The following ITPRID1 variants were observed in gnomAD, a reference collection of about 807,000 sequenced individuals.
ITPRID1 encodes protein ITPRID1.
ITPRID1 carries 96 observed loss-of-function variants against 95.4 expected under a neutral mutation model. The ratio of observed to expected loss-of-function variants is 1.01; its 90% CI spans 0.85 to 1.19. The LOEUF (loss-of-function observed/expected upper bound fraction) is 1.19, where lower values mean the gene tolerates loss of function less well. Ranked by LOEUF, ITPRID1 falls within the 50% of genes most tolerant of loss-of-function variation. ITPRID1 has a pLI of 0.00. For missense variants in ITPRID1, 1,339 were observed against 1,252.9 expected (o/e 1.07, Z -1.04); for synonymous variants, 510 against 453.6 (o/e 1.12, Z -1.58).
At chr7:31,590,094 G>T (rs1583541023) in intron 10 of ITPRID1, among the ~76,000 whole-genome samples, 1 of 152,122 alleles carries the variant, frequency 6.6e-6, no homozygotes, top group South Asian at 2.1e-4. Context: ...TTGAGGTGGG[G>T]ATCTCACTCT....
intron 5 of ITPRID1, among the ~76,000 whole-genome samples, chr7:31,560,625 AG>A (rs750338833): frequency 2.6e-5 from 4 of 152,230 alleles, no homozygotes; most frequent in Non-Finnish European, 5.9e-5. Flanking sequence ...GGGATATCAA[AG>A]AAAGAAGGAA....
intron 1 of ITPRID1, among the ~76,000 whole-genome samples, chr7:31,520,564 T>TGAGA (rs61620751): frequency 7.3e-5 from 4 of 54,918 alleles, no homozygotes; most frequent in African/African-American, 2.9e-4. Context: ...TGTGTGTGTG[T>TGAGA]GAGAGAGAGA....
intron 1 of ITPRID1, among the ~76,000 whole-genome samples, chr7:31,536,895 T>A (rs1783774601): frequency 6.6e-6 from 1 of 152,204 alleles, no homozygotes; most frequent in Non-Finnish European, 1.5e-5. Context: ...CACTTAGCCA[T>A]AAGTAGCTGC....
chr7:31,612,385 T>G (rs1361372331), intron 10 of ITPRID1, among the ~76,000 whole-genome samples: 1 of 152,124 alleles, frequency 6.6e-6, no homozygotes. Flanking sequence ...TTTGTGTGTG[T>G]GGGTCATTCT....
At chr7:31,600,802 T>C (rs958613384) in intron 10 of ITPRID1, among the ~76,000 whole-genome samples, 1 of 152,172 alleles carries the variant, frequency 6.6e-6, no homozygotes, top group Non-Finnish European at 1.5e-5. Context: ...TCAACATGCA[T>C]GCCCAGGAAG....
intron 10 of ITPRID1, among the ~76,000 whole-genome samples, chr7:31,624,039 A>C (rs1044580719): frequency 1.0e-4 from 15 of 150,688 alleles, no homozygotes; most frequent in South Asian, 2.2e-4. Flanking sequence ...AAAGAGAATA[A>C]AATACCTAGG....
chr7:31,562,523 C>A (rs1173231802), intron 5 of ITPRID1, among the ~76,000 whole-genome samples: 1 of 152,132 alleles, frequency 6.6e-6, no homozygotes, highest in African/African-American at 2.4e-5. Context: ...TATAAATTTT[C>A]TGGTCTATTT....
rs141245203 is a variant in ITPRID1 at position 31,598,954 on chromosome 7, C to G, written c.1228+15763C>G. 5.3e-5 allele frequency among the ~76,000 whole-genome samples: 8 copies of G among 152,280 alleles called. No homozygotes were observed. The East Asian group carries it at 1.5e-3, about 29-fold the overall frequency. ...CTATGGAAAATGGCAATCTCTGACT[C>G]TGTTGGTTGGATTATAAATTGGTAC... is the stretch of plus-strand genomic sequence containing the variant. On this transcript the variant is annotated intron_variant, in intron 10 of 14. Transcript: ENST00000615280.
rs531637311 is a variant in ITPRID1, at chr7:31,556,576, G to A, written c.256+1675G>A. Among the ~76,000 whole-genome samples the A allele has an allele frequency of 8.4e-4, 128 of 152,192 alleles. 1 individual carries two copies. The highest frequency in any genetic ancestry group is 6.8e-3 in the South Asian group (33 of 4,818). On this transcript the variant is annotated intron_variant, in intron 5 of 14. Coordinates refer to ENST00000615280, the MANE Select transcript of ITPRID1 (RefSeq NM_001257967.3). The stretch of plus-strand genomic sequence containing the variant: ...TGATGAGAGAGCTGCACTGAGCTTG[G>A]GGGAGCTGAGAGACACATTGAGAAT...
At chr7:31,523,802 G>A (rs1034207701) in intron 1 of ITPRID1, among the ~76,000 whole-genome samples, 6 of 152,176 alleles carry the variant, frequency 3.9e-5, no homozygotes, top group African/African-American at 7.2e-5. Context: ...CCTACTACAG[G>A]AGTGTTAAGT....
intron 12 of ITPRID1, among the ~76,000 whole-genome samples, chr7:31,648,135 T>C (rs1318989985): frequency 1.3e-5 from 2 of 152,182 alleles, no homozygotes; most frequent in Non-Finnish European, 2.9e-5. Context: ...ATATTGTTTA[T>C]GATTTAGTTT....
At chr7:31,520,515 TTGTGTGTGTGTGTGTG>T (rs57709822) in intron 1 of ITPRID1, among the ~76,000 whole-genome samples, 88 of 135,670 alleles carry the variant, frequency 6.5e-4, no homozygotes, top group African/African-American at 1.8e-3. Flanking sequence ...TACCACATCA[TTGTGTGTGTGTGTGTG>T]TGTGTGTGTG....
intron 10 of ITPRID1, among the ~76,000 whole-genome samples, chr7:31,616,143 TA>T (rs1365925940): frequency 6.6e-6 from 1 of 152,188 alleles, no homozygotes; most frequent in African/African-American, 2.4e-5. Flanking sequence ...TGCAAAAATA[TA>T]AATTATTGGA....
At chr7:31,616,413 C>CT (rs1428247017) in intron 10 of ITPRID1, among the ~76,000 whole-genome samples, 1 of 45,088 alleles carries the variant, frequency 2.2e-5, no homozygotes, top group Non-Finnish European at 4.3e-5. Context: ...TCCCTACCAC[C>CT]TGTCTTAGGT....
intron 1 of ITPRID1, among the ~76,000 whole-genome samples, chr7:31,519,604 CTCTCTCTCTCTCTCTCTATA>C (rs1228318169): frequency 0.012 from 696 of 57,866 alleles, 11 homozygotes; most frequent in African/African-American, 0.04. Flanking sequence ...CTCTCTCTCT[CTCTCTCTCTCTCTCTCTATA>C]TATATATATA....
intron 10 of ITPRID1, among the ~76,000 whole-genome samples, chr7:31,585,069 G>A (rs1268291602): frequency 1.3e-5 from 2 of 152,196 alleles, no homozygotes; most frequent in Non-Finnish European, 2.9e-5. Flanking sequence ...AGCTCCAGGT[G>A]AATAAGCCAT....
At chr7:31,623,616 G>C (rs1327306432) in intron 10 of ITPRID1, among the ~76,000 whole-genome samples, 3 of 137,580 alleles carry the variant, frequency 2.2e-5, no homozygotes, top group Non-Finnish European at 4.8e-5. Flanking sequence ...AAAATAATAA[G>C]AGCTATCTAT....
chr7:31,555,958 A>G (rs1784431759), intron 5 of ITPRID1, among the ~76,000 whole-genome samples: 1 of 152,196 alleles, frequency 6.6e-6, no homozygotes, highest in East Asian at 1.9e-4. Context: ...CAATAAATCA[A>G]ATGTAAGTAC....
intron 10 of ITPRID1, among the ~76,000 whole-genome samples, chr7:31,636,726 A>T (rs10266540): frequency 0.95 from 142,695 of 149,530 alleles, 67,971 homozygotes; most frequent in East Asian, 1. Context: ...TTTTTTTTTT[A>T]AAAATTTTAT....
Sources: allele counts gnomAD v4.1 joint callset (sites outside exome capture counted in the v4.1 genomes callset), GRCh38; gene constraint gnomAD v4.1.1; transcripts MANE v1.5; gene names NCBI Gene and HGNC (gene_info 2026-07-23, HGNC 2026-07-21).